Variants in KLF8 observed in about 807,000 individuals in gnomAD.
KLF8 encodes the protein KLF transcription factor 8, also known as Krueppel-like factor 8.
KLF8 carries 10 observed loss-of-function variants against 18.2 expected under a neutral mutation model. The ratio of observed to expected loss-of-function variants is 0.55; its 90% confidence interval spans 0.34 to 0.93. The LOEUF is 0.93. Among genes scored for constraint, KLF8 ranks in the 40% least tolerant of loss-of-function variants. The pLI is 0.02. For synonymous variants in KLF8, 109 were observed against 97.3 expected, an observed-to-expected ratio of 1.12 and a Z score of -0.71; for missense variants, 264 against 277.9, an observed-to-expected ratio of 0.95 and a Z score of 0.36.
At chrX:55,945,024 T>C in the KLF8 span, among the ~76,000 whole-genome samples, 1 of 111,841 alleles carries the variant, frequency 8.9e-6, no homozygotes, top group Non-Finnish European at 1.9e-5. Flanking sequence ...GATCCTGTTA[T>C]GTTGTGTCTT....
chrX:56,155,008 G>C, the KLF8 span, among the ~76,000 whole-genome samples: 2 of 112,074 alleles, frequency 1.8e-5, no homozygotes, highest in African/African-American at 3.2e-5. Context: ...CTGTTGGTGG[G>C]ACTGTAAACT....
At chrX:56,213,309 CTTTTCTTTTTTTTT>C in the KLF8 span, among the ~76,000 whole-genome samples, 1 of 23,491 alleles carries the variant, frequency 4.3e-5, no homozygotes, top group Non-Finnish European at 8.1e-5. Context: ...CTTTTCTTTT[CTTTTCTTTTTTTTT>C]TTTTTTTTTT....
the KLF8 span, among the ~76,000 whole-genome samples, chrX:55,997,526 G>A: frequency 9.0e-6 from 1 of 111,386 alleles, no homozygotes; most frequent in African/African-American, 3.3e-5. Context: ...ATGATTCCTG[G>A]TGCTTGACAA....
At chrX:56,176,158 G>C in the KLF8 span, among the ~76,000 whole-genome samples, 1 of 111,822 alleles carries the variant, frequency 8.9e-6, no homozygotes, top group Non-Finnish European at 1.9e-5. Flanking sequence ...ATGTTAGCTG[G>C]TTATTTTGCT....
chrX:56,035,062 T>C, the KLF8 span, among the ~76,000 whole-genome samples: 1 of 111,936 alleles, frequency 8.9e-6, no homozygotes, highest in African/African-American at 3.2e-5. Flanking sequence ...GCCGAACTTA[T>C]TTCTTTTATC....
chrX:55,934,484 T>G, the KLF8 span, among the ~76,000 whole-genome samples: 1 of 112,266 alleles, frequency 8.9e-6, no homozygotes, highest in African/African-American at 3.2e-5. Context: ...TGCCCCTCTT[T>G]CAGCCATCTC....
chrX:56,234,163 T>C (rs1459744253), intron 1 of KLF8, among the ~76,000 whole-genome samples: 2 of 112,029 alleles, frequency 1.8e-5, no homozygotes, highest in Non-Finnish European at 3.8e-5. Flanking sequence ...GGTATTATAT[T>C]CATCGTGAAG....
At chrX:56,012,765 T>A in the KLF8 span, among the ~76,000 whole-genome samples, 4 of 111,165 alleles carry the variant, frequency 3.6e-5, no homozygotes, top group Non-Finnish European at 7.6e-5. Flanking sequence ...ATCAATATCA[T>A]GAAAATGGCC....
chrX:56,141,116 C>T, the KLF8 span, among the ~76,000 whole-genome samples: 1 of 111,296 alleles, frequency 9.0e-6, no homozygotes, highest in South Asian at 3.8e-4. Flanking sequence ...GGCGCATGCC[C>T]CTACACCAGG....
chrX:55,956,977 A>G, the KLF8 span, among the ~76,000 whole-genome samples: 1 of 111,291 alleles, frequency 9.0e-6, no homozygotes, highest in South Asian at 3.8e-4. Context: ...TGTCAAGTTC[A>G]ATGTCATGAA....
chrX:56,244,656 A>G (rs2066598229), intron 1 of KLF8, among the ~76,000 whole-genome samples: 1 of 112,263 alleles, frequency 8.9e-6, no homozygotes. Flanking sequence ...TCACCATTCC[A>G]TTATTAATGT....
chrX:56,267,398 G>A (rs2066986442), intron 3 of KLF8: 2 of 128,631 alleles, frequency 1.6e-5, no homozygotes, highest in Non-Finnish European at 3.0e-5. Flanking sequence ...AAAGAATAGC[G>A]GAAAGCCCTG....
At chrX:56,241,492 T>C (rs1191892449) in intron 1 of KLF8, among the ~76,000 whole-genome samples, 1 of 112,271 alleles carries the variant, frequency 8.9e-6, no homozygotes, top group African/African-American at 3.2e-5. Flanking sequence ...TTAAATGCCA[T>C]TGGAATGAGA....
At chrX:56,145,072 C>T in the KLF8 span, among the ~76,000 whole-genome samples, 1 of 110,991 alleles carries the variant, frequency 9.0e-6, no homozygotes, top group East Asian at 2.8e-4. Context: ...GGATTATAGG[C>T]ATGAGCCACA....
the KLF8 span, among the ~76,000 whole-genome samples, chrX:56,103,449 A>T: frequency 1.8e-5 from 2 of 111,203 alleles, no homozygotes; most frequent in Admixed American, 9.6e-5. Flanking sequence ...TTGGATTCCT[A>T]GGTATTTTAT....
the KLF8 span, among the ~76,000 whole-genome samples, chrX:56,175,842 C>T: frequency 9.0e-6 from 1 of 111,567 alleles, no homozygotes; most frequent in South Asian, 3.8e-4. Flanking sequence ...GATCCCTTTA[C>T]CATTATGTAA....
chrX:56,158,988 G>T, the KLF8 span, among the ~76,000 whole-genome samples: 1 of 111,652 alleles, frequency 9.0e-6, no homozygotes, highest in African/African-American at 3.3e-5. Flanking sequence ...AATGCTTCCT[G>T]TTTTTGCCCA....
chrX:56,182,014 C>T, the KLF8 span, among the ~76,000 whole-genome samples: 1 of 111,613 alleles, frequency 9.0e-6, no homozygotes, highest in Admixed American at 9.5e-5. Context: ...GCCTGCCTTG[C>T]TAGGTTGAGG....
At chrX:56,137,509 A>T in the KLF8 span, among the ~76,000 whole-genome samples, 3 of 105,934 alleles carry the variant, frequency 2.8e-5, no homozygotes, top group Non-Finnish European at 5.8e-5. Context: ...GCAAGAACAA[A>T]AAACCAAACA....
Sources: allele counts gnomAD v4.1 joint callset (sites outside exome capture counted in the v4.1 genomes callset), GRCh38; gene constraint gnomAD v4.1.1; transcripts MANE v1.5; gene names NCBI Gene and HGNC (gene_info 2026-07-23, HGNC 2026-07-21).